The following TMEM132C variants were observed in gnomAD, a reference collection of about 807,000 sequenced individuals.
The protein encoded by TMEM132C is protein phosphatase 1, regulatory subunit 152.
In TMEM132C, 29 loss-of-function variants were observed where a neutral mutation model predicts 61.4. That is an observed-to-expected ratio of 0.47 (90% confidence interval 0.35 to 0.64). TMEM132C has a LOEUF of 0.64. TMEM132C is among the 30% of genes least tolerant of loss of function. The probability of loss-of-function intolerance (pLI) is 0.00; values close to 1 mark genes in which losing one functional copy is unlikely to be tolerated. For synonymous variants in TMEM132C, 656 were observed against 633.1 expected, an observed-to-expected ratio of 1.04 and a Z score of -0.54; for missense variants, 1,408 against 1,476.9, an observed-to-expected ratio of 0.95 and a Z score of 0.76.
intron 2 of TMEM132C, among the ~76,000 whole-genome samples, chr12:128,504,003 A>G (rs1038395468): frequency 1.3e-5 from 2 of 152,216 alleles, no homozygotes; most frequent in African/African-American, 4.8e-5. Flanking sequence ...AGTGAGAACG[A>G]GAGAAGCAGG....
intron 1 of TMEM132C, among the ~76,000 whole-genome samples, chr12:128,342,190 G>A (rs372906510): frequency 1.3e-5 from 2 of 151,948 alleles, no homozygotes; most frequent in Admixed American, 1.3e-4. Flanking sequence ...TGTATTTTTA[G>A]TAGAGTTGGG....
intron 2 of TMEM132C, among the ~76,000 whole-genome samples, chr12:128,518,847 C>T (rs2136125840): frequency 6.6e-6 from 1 of 152,246 alleles, no homozygotes; most frequent in African/African-American, 2.4e-5. Context: ...AGCTTAGACA[C>T]TTACTAGCCG....
rs550841093 is a variant in TMEM132C at position 128,518,886 on chromosome 12, C to T, written c.975-25071C>T. 5.5e-4 allele frequency among the ~76,000 whole-genome samples: 84 copies of T among 152,238 alleles called. 1 individual carries two copies. Among genetic ancestry groups the T allele is most frequent in the Admixed American group, 4.8e-3 (74 of 15,288 alleles). On this transcript the variant is annotated intron_variant, in intron 2 of 8. Transcript: ENST00000435159. ...AGGAACTTGGGCAATTTACATAATC[C>T]TTTGTGTCTATTTCTCATTCTGTCA...
chr12:128,510,499 C>T (rs1408161733), intron 2 of TMEM132C, among the ~76,000 whole-genome samples: 1 of 152,222 alleles, frequency 6.6e-6, no homozygotes, highest in Non-Finnish European at 1.5e-5. Flanking sequence ...AAGCCCGCAC[C>T]TAGAACGGCG....
chr12:128,275,866 G>C lies in TMEM132C; in HGVS notation c.85+8379G>C, dbSNP rs889161757. 4.6e-5 allele frequency among the ~76,000 whole-genome samples: 7 copies of C among 152,154 alleles called. No homozygotes were observed. In the South Asian group the frequency reaches 1.2e-3, roughly 27 times the overall value. On this transcript the variant is annotated intron_variant, in intron 1 of 8. Transcript: ENST00000435159. ...GGCCAAAAGTCCAAAATCATATGTT[G>C]TCAGGGCCATGCACTGTGCTGAGCC...
Position 128,357,117 on chromosome 12 carries a change from G to A in TMEM132C, c.86-57615G>A, listed in dbSNP as rs913806370. Reference sequence around the variant, plus strand: ...GTTTCTCTCTTGAATACAGCAGGTCGGGAGCCCACGTGTCCAATTTGAATA... The same window carrying A: ...GTTTCTCTCTTGAATACAGCAGGTCAGGAGCCCACGTGTCCAATTTGAATA... On this transcript the variant is annotated intron_variant, in intron 1 of 8. Transcript: ENST00000435159. Among the ~76,000 whole-genome samples, 3 of 152,218 alleles carry A rather than the reference G, an allele frequency of 2.0e-5. 1 individual carries two copies. The highest frequency in any genetic ancestry group is 4.2e-4 in the South Asian group (2 of 4,802).
chr12:128,496,840 T>C (rs1464120668), intron 2 of TMEM132C, among the ~76,000 whole-genome samples: 1 of 152,252 alleles, frequency 6.6e-6, no homozygotes, highest in Non-Finnish European at 1.5e-5. Flanking sequence ...CTCGTCAAAG[T>C]CATTCTCCAT....
intron 4 of TMEM132C, among the ~76,000 whole-genome samples, chr12:128,651,888 A>C (rs925018212): frequency 1.4e-5 from 1 of 71,982 alleles, no homozygotes; most frequent in Admixed American, 1.1e-4. Context: ...AAGGGGTCCA[A>C]TTCCACAGAA....
intron 3 of TMEM132C, among the ~76,000 whole-genome samples, chr12:128,601,361 G>A (rs767613443): frequency 6.6e-6 from 1 of 152,226 alleles, no homozygotes. Context: ...TCTTCACTCC[G>A]CAAACATTTG....
chr12:128,348,307 G>A (rs766850614), intron 1 of TMEM132C, among the ~76,000 whole-genome samples: 18 of 152,346 alleles, frequency 1.2e-4, no homozygotes, highest in South Asian at 1.0e-3. Flanking sequence ...CTGAATTCAA[G>A]TGTAAGCTGT....
At chr12:128,295,703 A>G (rs1871389840) in intron 1 of TMEM132C, among the ~76,000 whole-genome samples, 1 of 151,736 alleles carries the variant, frequency 6.6e-6, no homozygotes, top group African/African-American at 2.4e-5. Context: ...GAAAAATAAG[A>G]GCCCCACATA....
intron 3 of TMEM132C, among the ~76,000 whole-genome samples, chr12:128,576,879 A>C (rs528880832): frequency 6.6e-6 from 1 of 152,218 alleles, no homozygotes; most frequent in Non-Finnish European, 1.5e-5. Flanking sequence ...TGTGCTTAAA[A>C]TTAATCACTC....
intron 4 of TMEM132C, among the ~76,000 whole-genome samples, chr12:128,667,553 A>G (rs1954491216): frequency 6.6e-6 from 1 of 152,292 alleles, no homozygotes; most frequent in East Asian, 1.9e-4. Context: ...CTTAAAACTC[A>G]TAACTCTTTT....
chr12:128,621,232 C>T (rs1466897328), intron 4 of TMEM132C, among the ~76,000 whole-genome samples: 1 of 152,150 alleles, frequency 6.6e-6, no homozygotes, highest in Non-Finnish European at 1.5e-5. Context: ...ATTATGCCCA[C>T]CCTCCCAAGA....
intron 2 of TMEM132C, among the ~76,000 whole-genome samples, chr12:128,496,508 AT>A (rs1285600006): frequency 6.6e-6 from 1 of 151,992 alleles, no homozygotes; most frequent in African/African-American, 2.4e-5. Context: ...ATAGTCCCAT[AT>A]TTCTTGGAGG....
chr12:128,575,267 T>C (rs1875046907), intron 3 of TMEM132C, among the ~76,000 whole-genome samples: 1 of 152,098 alleles, frequency 6.6e-6, no homozygotes, highest in Non-Finnish European at 1.5e-5. Flanking sequence ...GATCACGAGG[T>C]CAAGAGATCG....
intron 4 of TMEM132C, among the ~76,000 whole-genome samples, chr12:128,618,793 A>G (rs759986680): frequency 2.0e-5 from 3 of 152,092 alleles, no homozygotes; most frequent in African/African-American, 4.8e-5. Context: ...TCCATTATCT[A>G]TTTTCCTTTA....
chr12:128,502,192 G>A (rs1036301002), intron 2 of TMEM132C, among the ~76,000 whole-genome samples: 4 of 152,222 alleles, frequency 2.6e-5, no homozygotes, highest in East Asian at 3.8e-4. Flanking sequence ...TGCTTTGGAT[G>A]CAGAAGTGAC....
At chr12:128,524,005 G>A (rs1167242487) in intron 2 of TMEM132C, among the ~76,000 whole-genome samples, 2 of 82,868 alleles carry the variant, frequency 2.4e-5, no homozygotes, top group Non-Finnish European at 4.7e-5. Context: ...AGAGCAAGAC[G>A]CCATCTCAAA....
Sources: gnomAD v4.1 joint callset for allele counts (sites outside exome capture counted in the v4.1 genomes callset) on GRCh38, gnomAD v4.1.1 for gene constraint, MANE v1.5 for transcripts, NCBI Gene and HGNC (gene_info 2026-07-23, HGNC 2026-07-21) for gene names.